Variants in PPP2CB observed in about 807,000 individuals in gnomAD.
PPP2CB encodes the protein serine/threonine-protein phosphatase 2A catalytic subunit beta isoform.
In PPP2CB, 18 loss-of-function variants were observed where a neutral mutation model predicts 39.1. The ratio of observed to expected loss-of-function variants is 0.46; its 90% CI spans 0.32 to 0.68. The LOEUF (loss-of-function observed/expected upper bound fraction) is 0.68. Among genes scored for constraint, PPP2CB ranks in the 30% least tolerant of loss-of-function variants. PPP2CB has a pLI of 0.04. For missense variants in PPP2CB, 226 were observed against 396.9 expected, an observed-to-expected ratio of 0.57 and a Z score of 3.66; for synonymous variants, 129 against 133.8, an observed-to-expected ratio of 0.96 and a Z score of 0.25.
chr8:30,789,534 G>A (rs1275714368), intron 6 of PPP2CB, among the ~76,000 whole-genome samples: 1 of 152,146 alleles, frequency 6.6e-6, no homozygotes, highest in Non-Finnish European at 1.5e-5. Flanking sequence ...TTCCCATTCA[G>A]CCAGGGACTA....
chr8:30,796,546 C>T (rs1806529629), intron 3 of PPP2CB, among the ~76,000 whole-genome samples: 1 of 152,038 alleles, frequency 6.6e-6, no homozygotes. Context: ...GCAATGCCAT[C>T]CCCGGCTAAT....
Position 30,812,567 on chromosome 8 carries a change from G to T in PPP2CB, c.-146C>A. ...TCCCACAGGGGGAGGACTGAGCCGG[G>T]TAGGGCGGCCGCGGGCCCCGCGCCC... On this transcript the variant is annotated 5_prime_UTR_variant, in exon 1 of 7. Coordinates refer to ENST00000221138, the MANE Select transcript of PPP2CB (RefSeq NM_001009552.2). 2.3e-6 allele frequency: 1 copy of T among 434,548 alleles called. No individual in the cohort carries two copies. Among genetic ancestry groups the T allele is most frequent in the Non-Finnish European group, 3.7e-6 (1 of 271,808 alleles). 26.9% of individuals were successfully genotyped at this position (434,548 alleles called of 1,614,324 possible). A position where few individuals can be genotyped will look rare whatever the true frequency, so the allele number is the denominator to read the frequency against.
At chr8:30,792,071 T>TAC (rs897639259) in intron 5 of PPP2CB, among the ~76,000 whole-genome samples, 32 of 151,532 alleles carry the variant, frequency 2.1e-4, no homozygotes, top group Middle Eastern at 6.8e-3. Context: ...TGTGTGTATA[T>TAC]ACACACACAC....
intron 3 of PPP2CB, among the ~76,000 whole-genome samples, chr8:30,794,671 C>T (rs1303724169): frequency 6.6e-6 from 1 of 152,122 alleles, no homozygotes; most frequent in African/African-American, 2.4e-5. Context: ...GCCTTGATCA[C>T]TGCGCAATGC....
intron 1 of PPP2CB, among the ~76,000 whole-genome samples, chr8:30,803,063 C>CA (rs1052487150): frequency 1.3e-5 from 2 of 152,144 alleles, no homozygotes; most frequent in African/African-American, 2.4e-5. Context: ...GTGATGCTAG[C>CA]AAAAATCTCT....
intron 1 of PPP2CB, 46 bp from the exon 2 acceptor site, chr8:30,799,801 T>C: frequency 6.5e-7 from 1 of 1,547,620 alleles, no homozygotes; most frequent in Non-Finnish European, 8.9e-7. Context: ...AAACTATCAT[T>C]TCTTATCTAT....
rs1806379065 is a variant in PPP2CB at position 30,788,443 on chromosome 8, T to C, written c.858-2136A>G. ...ATACCTGGCTAATTTTTAAATTTTT[T>C]TGTAGAGACGGGGTCTCCCTATGTT... is the stretch of plus-strand genomic sequence containing the variant. On this transcript the variant is annotated intron_variant, in intron 6 of 6. Coordinates refer to ENST00000221138, the MANE Select transcript of PPP2CB (RefSeq NM_001009552.2). 2.0e-5 allele frequency among the ~76,000 whole-genome samples: 3 copies of C among 152,110 alleles called. No individual in the cohort carries two copies. In the South Asian group the frequency reaches 6.2e-4, roughly 31 times the overall value.
chr8:30,799,378 C>A (rs1198059808), intron 2 of PPP2CB, among the ~76,000 whole-genome samples, 168 bp downstream of exon 2: 1 of 152,112 alleles, frequency 6.6e-6, no homozygotes, highest in Non-Finnish European at 1.5e-5. Flanking sequence ...ATCGGGAATA[C>A]ACAGAAGTTA....
At chr8:30,798,305 A>G (rs1362568395) in intron 2 of PPP2CB, among the ~76,000 whole-genome samples, 2 of 152,234 alleles carry the variant, frequency 1.3e-5, no homozygotes, top group African/African-American at 4.8e-5. Flanking sequence ...ATAAGCGACT[A>G]TTTAGTTAGG....
intron 1 of PPP2CB, among the ~76,000 whole-genome samples, chr8:30,807,506 C>T (rs546080108): frequency 7.2e-5 from 11 of 152,302 alleles, no homozygotes; most frequent in African/African-American, 1.4e-4. Flanking sequence ...ATAAAATTTA[C>T]ATATTTATAC....
chr8:30,809,692 G>A (rs1213656971), intron 1 of PPP2CB, among the ~76,000 whole-genome samples: 2 of 152,170 alleles, frequency 1.3e-5, no homozygotes, highest in Non-Finnish European at 2.9e-5. Flanking sequence ...CGCAATCCCT[G>A]CACTTTGGGA....
intron 6 of PPP2CB, among the ~76,000 whole-genome samples, chr8:30,787,738 C>A (rs1184967414): frequency 6.6e-6 from 1 of 152,076 alleles, no homozygotes; most frequent in African/African-American, 2.4e-5. Flanking sequence ...TATTTATATT[C>A]TTTTAAATTA....
chr8:30,799,818 A>C (rs1451188271), intron 1 of PPP2CB, 63 bp from the exon 2 acceptor site: 2 of 1,474,282 alleles, frequency 1.4e-6, no homozygotes, highest in Admixed American at 1.9e-5. Flanking sequence ...CTATTAAAAG[A>C]AAATTTGGGG....
intron 5 of PPP2CB, 90 bp downstream of exon 5, chr8:30,793,827 G>A: frequency 4.4e-6 from 6 of 1,365,704 alleles, no homozygotes; most frequent in Non-Finnish European, 5.8e-6. Flanking sequence ...AATAAATGGT[G>A]AGGAATGTTT....
chr8:30,806,089 C>G (rs1471659886), intron 1 of PPP2CB, among the ~76,000 whole-genome samples: 1 of 150,778 alleles, frequency 6.6e-6, no homozygotes, highest in African/African-American at 2.4e-5. Flanking sequence ...CCTCTGTCAC[C>G]CAGGCTGGAA....
intron 3 of PPP2CB, among the ~76,000 whole-genome samples, chr8:30,796,437 G>A (rs908291812): frequency 2.0e-5 from 3 of 152,008 alleles, no homozygotes; most frequent in Non-Finnish European, 2.9e-5. Context: ...CTGGAGTGCC[G>A]TGATACGATC....
chr8:30,804,351 G>T (rs895150773), intron 1 of PPP2CB, among the ~76,000 whole-genome samples: 1 of 152,128 alleles, frequency 6.6e-6, no homozygotes, highest in African/African-American at 2.4e-5. Flanking sequence ...TTTGCCCCTG[G>T]AATTTCCTGC....
At chr8:30,804,442 C>CT (rs1806685474) in intron 1 of PPP2CB, among the ~76,000 whole-genome samples, 2 of 152,166 alleles carry the variant, frequency 1.3e-5, no homozygotes, top group Middle Eastern at 3.2e-3. Context: ...TTGGATGATC[C>CT]CACTATCAGT....
intron 2 of PPP2CB, among the ~76,000 whole-genome samples, chr8:30,799,141 TG>T (rs201084713): frequency 2.6e-4 from 40 of 152,040 alleles, no homozygotes; most frequent in African/African-American, 8.7e-4. Context: ...CAGGTGGATT[TG>T]GGGGGGATCA....
Sources: allele counts gnomAD v4.1 joint callset (sites outside exome capture counted in the v4.1 genomes callset), GRCh38; gene constraint gnomAD v4.1.1; transcripts MANE v1.5; gene names NCBI Gene and HGNC (gene_info 2026-07-23, HGNC 2026-07-21).